GALNTL6: variants seen among roughly 807,000 people sequenced by gnomAD.
The protein encoded by GALNTL6 is polypeptide N-acetylgalactosaminyltransferase-like 6.
Under a neutral mutation model 73.7 loss-of-function variants are expected in GALNTL6, and 46 were observed. That is an observed-to-expected ratio of 0.62 (90% CI 0.49 to 0.80). The LOEUF is 0.80. Ranked by LOEUF, GALNTL6 falls within the 30% of genes least tolerant of loss-of-function variation. The probability of loss-of-function intolerance (pLI) is 0.00; values close to 1 mark genes in which losing one functional copy is unlikely to be tolerated. For synonymous variants in GALNTL6, 259 were observed against 263.7 expected (o/e 0.98, Z 0.17); for missense variants, 604 against 755.0 (o/e 0.80, Z 2.34).
At position 172,431,925 on chromosome 4, in the gene GALNTL6, A is replaced by G. The variant is rs374934322; in HGVS notation, c.553+83236A>G. Among the ~76,000 whole-genome samples, 92 of 152,272 alleles carry G rather than the reference A, an allele frequency of 6.0e-4. 2 individuals are homozygous for G. In the South Asian group the frequency reaches 0.019, roughly 31 times the overall value. ...TCCTTACTTGTAACTATTATATGAC[A>G]CTAATCATAATTCTCTCCTGGCATG... is the stretch of plus-strand genomic sequence containing the variant. On this transcript the variant is annotated intron_variant, in intron 5 of 12. Coordinates refer to ENST00000506823, the MANE Select transcript of GALNTL6 (RefSeq NM_001034845.3).
chr4:172,983,753 T>C (rs1323297695), intron 10 of GALNTL6, among the ~76,000 whole-genome samples: 4 of 152,082 alleles, frequency 2.6e-5, no homozygotes, highest in Admixed American at 6.6e-5. Context: ...GTTGTGATGG[T>C]TAAATAAAAT....
At chr4:172,138,323 CAT>C (rs1487929459) in intron 2 of GALNTL6, among the ~76,000 whole-genome samples, 2 of 149,974 alleles carry the variant, frequency 1.3e-5, no homozygotes, top group African/African-American at 4.9e-5. Flanking sequence ...TTAGGTGTTA[CAT>C]GTTATTATAT....
intron 2 of GALNTL6, among the ~76,000 whole-genome samples, chr4:172,164,168 T>C (rs1187016506): frequency 6.6e-6 from 1 of 151,994 alleles, no homozygotes; most frequent in Non-Finnish European, 1.5e-5. Flanking sequence ...TTGAGAAGTA[T>C]AAAAGTATTT....
intron 5 of GALNTL6, among the ~76,000 whole-genome samples, chr4:172,755,264 A>AGATAGATAGATAGATAGAT (rs1002652780): frequency 6.6e-6 from 1 of 151,926 alleles, no homozygotes; most frequent in Admixed American, 6.6e-5. Context: ...ATAGATAGAT[A>AGATAGATAGATAGATAGAT]GATAGATAAT....
At chr4:171,907,398 C>T (rs1737325067) in intron 2 of GALNTL6, among the ~76,000 whole-genome samples, 1 of 152,022 alleles carries the variant, frequency 6.6e-6, no homozygotes, top group Non-Finnish European at 1.5e-5. Context: ...TTCACAATTG[C>T]TTCAAAGAGA....
chr4:172,133,613 G>T (rs1237177685), intron 2 of GALNTL6, among the ~76,000 whole-genome samples: 1 of 152,206 alleles, frequency 6.6e-6, no homozygotes, highest in Non-Finnish European at 1.5e-5. Flanking sequence ...GCTGCAGCCT[G>T]ATTTGTATGG....
At chr4:172,529,097 C>A (rs1735082960) in intron 5 of GALNTL6, among the ~76,000 whole-genome samples, 1 of 149,218 alleles carries the variant, frequency 6.7e-6, no homozygotes, top group African/African-American at 2.5e-5. Flanking sequence ...AATGAGCTTT[C>A]AACTATATTA....
At chr4:172,742,945 G>A (rs1736888096) in intron 5 of GALNTL6, among the ~76,000 whole-genome samples, 1 of 151,968 alleles carries the variant, frequency 6.6e-6, no homozygotes, top group South Asian at 2.1e-4. Context: ...ATCGATAGCT[G>A]TTATGCATGC....
At chr4:172,620,449 C>G (rs761215900) in intron 5 of GALNTL6, among the ~76,000 whole-genome samples, 4 of 152,000 alleles carry the variant, frequency 2.6e-5, no homozygotes, top group Non-Finnish European at 4.4e-5. Flanking sequence ...CTGTTTTGTT[C>G]CTGATTATAA....
chr4:172,231,403 C>T (rs1579282053), intron 3 of GALNTL6, among the ~76,000 whole-genome samples: 1 of 152,070 alleles, frequency 6.6e-6, no homozygotes, highest in East Asian at 1.9e-4. Flanking sequence ...GTATAATTAT[C>T]CCAAATTAAG....
At chr4:172,050,303 G>C (rs1207684547) in intron 2 of GALNTL6, among the ~76,000 whole-genome samples, 2 of 152,240 alleles carry the variant, frequency 1.3e-5, no homozygotes, top group Non-Finnish European at 2.9e-5. Flanking sequence ...TTGAAGATGA[G>C]GGTTTTTTAA....
At chr4:172,919,300 T>G (rs1448336729) in intron 8 of GALNTL6, among the ~76,000 whole-genome samples, 17 of 152,300 alleles carry the variant, frequency 1.1e-4, no homozygotes, top group Non-Finnish European at 8.8e-5. Context: ...CTAGGACCTT[T>G]GCTCTGAATG....
chr4:172,003,728 T>C (rs1579049777), intron 2 of GALNTL6, among the ~76,000 whole-genome samples: 1 of 152,278 alleles, frequency 6.6e-6, no homozygotes, highest in African/African-American at 2.4e-5. Flanking sequence ...TCTTGGTTAA[T>C]GTCCTCAGTC....
chr4:172,823,575 G>C (rs549034805), intron 7 of GALNTL6, among the ~76,000 whole-genome samples: 2 of 152,324 alleles, frequency 1.3e-5, no homozygotes, highest in South Asian at 4.1e-4. Flanking sequence ...AAGGATGCTA[G>C]CTGCAGAGAA....
intron 7 of GALNTL6, among the ~76,000 whole-genome samples, chr4:172,849,141 A>C (rs1329138159): frequency 6.6e-6 from 1 of 152,104 alleles, no homozygotes. Context: ...AGTTTATGTT[A>C]TTTTACTATT....
chr4:172,301,979 G>A (rs1018566746), intron 3 of GALNTL6, among the ~76,000 whole-genome samples: 2 of 152,212 alleles, frequency 1.3e-5, no homozygotes, highest in African/African-American at 4.8e-5. Context: ...GGAGTCTACT[G>A]AGGCAGGCAG....
chr4:172,184,111 T>G (rs1735345194), intron 2 of GALNTL6, among the ~76,000 whole-genome samples: 1 of 152,122 alleles, frequency 6.6e-6, no homozygotes, highest in Non-Finnish European at 1.5e-5. Context: ...TTTAATGCTG[T>G]TTGTATAGCA....
chr4:172,663,519 G>C (rs1020189713), intron 5 of GALNTL6, among the ~76,000 whole-genome samples: 1 of 152,184 alleles, frequency 6.6e-6, no homozygotes, highest in African/African-American at 2.4e-5. Flanking sequence ...CGGAGGATCA[G>C]CTCTGAGTTC....
At chr4:172,578,780 T>A (rs1737054972) in intron 5 of GALNTL6, among the ~76,000 whole-genome samples, 3 of 152,226 alleles carry the variant, frequency 2.0e-5, no homozygotes, top group Non-Finnish European at 4.4e-5. Context: ...GTATATATAT[T>A]TCAGGAGACC....
Sources: allele counts gnomAD v4.1 joint callset (sites outside exome capture counted in the v4.1 genomes callset), GRCh38; gene constraint gnomAD v4.1.1; transcripts MANE v1.5; gene names NCBI Gene and HGNC (gene_info 2026-07-23, HGNC 2026-07-21).